GRIK1: variants seen among roughly 807,000 people sequenced by gnomAD.
The protein encoded by GRIK1 is glutamate ionotropic receptor kainate type subunit 1.
A neutral mutation model predicts 105.7 loss-of-function variants in GRIK1; 69 were observed. The observed-to-expected ratio is 0.65, with a 90% CI of 0.54 to 0.80. The LOEUF (loss-of-function observed/expected upper bound fraction) is 0.80, where lower values mean the gene tolerates loss of function less well. Ranked by LOEUF, GRIK1 falls within the 30% of genes least tolerant of loss-of-function variation. The probability of loss-of-function intolerance (pLI) is 0.00; values close to 1 mark genes in which losing one functional copy is unlikely to be tolerated. For missense variants in GRIK1, 1,109 were observed against 1,167.3 expected (o/e 0.95, Z 0.73); for synonymous variants, 438 against 431.3 (o/e 1.02, Z -0.19).
intron 1 of GRIK1, among the ~76,000 whole-genome samples, chr21:29,819,617 G>A (rs1430365788): frequency 6.6e-6 from 1 of 151,980 alleles, no homozygotes; most frequent in East Asian, 1.9e-4. Flanking sequence ...TGTATAGGTT[G>A]TCAGCATGGA....
intron 1 of GRIK1, among the ~76,000 whole-genome samples, chr21:29,851,822 G>C (rs2068314390): frequency 6.6e-6 from 1 of 152,036 alleles, no homozygotes; most frequent in African/African-American, 2.4e-5. Context: ...CATAAATCTT[G>C]ATGTCACCCC....
intron 1 of GRIK1, among the ~76,000 whole-genome samples, chr21:29,714,518 G>T (rs1295942714): frequency 2.0e-5 from 3 of 152,118 alleles, no homozygotes; most frequent in Non-Finnish European, 4.4e-5. Flanking sequence ...AGGACAGTAG[G>T]TCACCCTGTA....
rs571148114 is a variant in GRIK1, at chr21:29,766,248, T to C, written c.119-72185A>G. Among the ~76,000 whole-genome samples the C allele has an allele frequency of 5.9e-5, 9 of 152,274 alleles. No individual in the cohort carries two copies. In the East Asian group the frequency reaches 1.5e-3, roughly 26 times the overall value. The stretch of plus-strand genomic sequence containing the variant: ...CCTTCCAAGCATGATGTTCTTAATA[T>C]AAAACAGTAGTTCTGAATCACAGAC... On this transcript the variant is annotated intron_variant, in intron 1 of 17. Coordinates refer to ENST00000327783, the MANE Select transcript of GRIK1 (RefSeq NM_001330994.2).
intron 1 of GRIK1, among the ~76,000 whole-genome samples, chr21:29,897,602 A>G (rs972993001): frequency 6.6e-6 from 1 of 152,242 alleles, no homozygotes; most frequent in Admixed American, 6.5e-5. Context: ...AACAAATTTG[A>G]AAAGCTGCAG....
chr21:29,609,522 G>A (rs907606026), intron 7 of GRIK1, among the ~76,000 whole-genome samples: 2 of 152,172 alleles, frequency 1.3e-5, no homozygotes, highest in South Asian at 2.1e-4. Flanking sequence ...GATGAGATGA[G>A]CATTTGAATT....
At chr21:29,639,339 G>A (rs2062462171) in intron 7 of GRIK1, among the ~76,000 whole-genome samples, 1 of 152,204 alleles carries the variant, frequency 6.6e-6, no homozygotes, top group African/African-American at 2.4e-5. Context: ...CGCATAGCTT[G>A]GAGATAGACG....
At chr21:29,681,964 C>G (rs1158191384) in intron 3 of GRIK1, among the ~76,000 whole-genome samples, 1 of 152,200 alleles carries the variant, frequency 6.6e-6, no homozygotes. Context: ...AAGTTGGGAG[C>G]AACTTTAGGT....
rs908925977 is a variant in GRIK1 at position 29,908,742 on chromosome 21, T to C, written c.118+30641A>G. On this transcript the variant is annotated intron_variant, in intron 1 of 17. Transcript: ENST00000327783. ...CAGTATTATTCACCCATTTATTTAA[T>C]AGAGATAAACAATTACAACTCGATT... Among the ~76,000 whole-genome samples, 5 of 152,196 alleles carry C rather than the reference T, an allele frequency of 3.3e-5. No individual in the cohort carries two copies. The East Asian group carries it at 9.6e-4, about 29-fold the overall frequency.
intron 14 of GRIK1, among the ~76,000 whole-genome samples, chr21:29,566,723 T>C (rs914282330): frequency 1.3e-5 from 2 of 152,200 alleles, no homozygotes; most frequent in African/African-American, 2.4e-5. Flanking sequence ...ACTTTGCATA[T>C]ATTGATTAAT....
At chr21:29,675,464 T>A (rs1016879922) in intron 3 of GRIK1, among the ~76,000 whole-genome samples, 2 of 152,352 alleles carry the variant, frequency 1.3e-5, no homozygotes, top group South Asian at 4.1e-4. Context: ...TTTTGTGTGC[T>A]TCAATGAACT....
At chr21:29,605,755 G>C (rs917596610) in intron 7 of GRIK1, among the ~76,000 whole-genome samples, 3 of 152,132 alleles carry the variant, frequency 2.0e-5, no homozygotes, top group African/African-American at 7.2e-5. Flanking sequence ...ATATGTAAAA[G>C]AATGTAAATC....
intron 1 of GRIK1, among the ~76,000 whole-genome samples, chr21:29,812,985 C>T (rs907870052): frequency 4.6e-5 from 7 of 152,086 alleles, no homozygotes; most frequent in African/African-American, 1.4e-4. Context: ...ATTCTGGGTA[C>T]AGGAGACGTT....
intron 4 of GRIK1, among the ~76,000 whole-genome samples, chr21:29,666,867 T>G (rs529750228): frequency 6.6e-6 from 1 of 152,326 alleles, no homozygotes. Context: ...AGGTTACATT[T>G]TTTTTCCTTT....
In GRIK1 at chr21:29,560,519, C is replaced by CTTTCTTTCTTTCTTTCTTTCTTT. The variant is rs1568815488; in HGVS notation, c.2356+1104_2356+1105insAAAGAAAGAAAGAAAGAAAGAAA. On this transcript the variant is annotated intron_variant, in intron 15 of 17. Coordinates refer to ENST00000327783, the MANE Select transcript of GRIK1 (RefSeq NM_001330994.2). ...TCTTTCCTTCCTTCCTTCCTTCCTT[C>CTTTCTTTCTTTCTTTCTTTCTTT]CTTTCTTTCTTTCTTTCTTTCTTTC... Among the ~76,000 whole-genome samples the CTTTCTTTCTTTCTTTCTTTCTTT allele has an allele frequency of 2.9e-4, 17 of 57,822 alleles. 1 individual carries two copies. The highest frequency in any genetic ancestry group is 4.4e-4 in the East Asian group (1 of 2,290). 37.9% of individuals were successfully genotyped at this position (57,822 alleles called of 152,430 possible). A position where few individuals can be genotyped will look rare whatever the true frequency, so the allele number is the denominator to read the frequency against.
At chr21:29,584,937 C>G (rs76336948) in intron 12 of GRIK1, among the ~76,000 whole-genome samples, 1 of 152,112 alleles carries the variant, frequency 6.6e-6, no homozygotes, top group African/African-American at 2.4e-5. Flanking sequence ...GAAGCAGAAG[C>G]AGGGATGGAT....
chr21:29,834,750 G>A (rs2067735364), intron 1 of GRIK1, among the ~76,000 whole-genome samples: 2 of 150,214 alleles, frequency 1.3e-5, no homozygotes, highest in South Asian at 4.2e-4. Context: ...TCTGGCATTA[G>A]TATTAATATT....
chr21:29,588,164 C>G (rs1032820910), intron 11 of GRIK1, among the ~76,000 whole-genome samples: 1 of 151,174 alleles, frequency 6.6e-6, no homozygotes, highest in Non-Finnish European at 1.5e-5. Flanking sequence ...TTAGTAGAGG[C>G]GGGGTTTCAC....
chr21:29,666,556 T>C (rs2063062737), intron 4 of GRIK1, among the ~76,000 whole-genome samples: 1 of 152,226 alleles, frequency 6.6e-6, no homozygotes, highest in Non-Finnish European at 1.5e-5. Flanking sequence ...TTTGGGTTTT[T>C]ATTCTTGTTG....
chr21:29,543,776 T>C (rs1228358571), intron 16 of GRIK1, among the ~76,000 whole-genome samples: 2 of 152,160 alleles, frequency 1.3e-5, no homozygotes, highest in Non-Finnish European at 2.9e-5. Context: ...TGTACAAGTG[T>C]GGTCGCCCAT....
Sources: gnomAD v4.1 joint callset for allele counts (sites outside exome capture counted in the v4.1 genomes callset) on GRCh38, gnomAD v4.1.1 for gene constraint, MANE v1.5 for transcripts, NCBI Gene and HGNC (gene_info 2026-07-23, HGNC 2026-07-21) for gene names.